ZNF713: variants seen among roughly 807,000 people sequenced by gnomAD.
ZNF713 encodes zinc finger protein 713.
In ZNF713, 21 loss-of-function variants were observed where a neutral mutation model predicts 28.7. That is an observed-to-expected ratio of 0.73 (90% CI 0.52 to 1.05). The LOEUF (loss-of-function observed/expected upper bound fraction) is 1.05. ZNF713 is among the 50% of genes least tolerant of loss of function. The probability of loss-of-function intolerance (pLI) is 0.00; values close to 1 mark genes in which losing one functional copy is unlikely to be tolerated. For missense variants in ZNF713, 458 were observed against 532.4 expected (o/e 0.86, Z 1.37); for synonymous variants, 167 against 178.0 (o/e 0.94, Z 0.49).
At chr7:55,909,114 G>A (rs931955407) in intron 2 of ZNF713, among the ~76,000 whole-genome samples, 6 of 148,252 alleles carry the variant, frequency 4.0e-5, no homozygotes, top group South Asian at 2.1e-4. Context: ...AGGAGAAATC[G>A]CTTGAACCAG....
chr7:55,923,593 A>C lies in ZNF713; in HGVS notation c.215-14A>C. On this transcript the variant is annotated splice_polypyrimidine_tract_variant and intron_variant, in intron 5 of 6. Coordinates refer to ENST00000429591, the MANE Select transcript of ZNF713 (RefSeq NM_182633.3). ...AGTACAAACTCCTAAGATGTATGTT[A>C]CTCCTGTGAATAGGGTATCAGCTTT... 2 of 1,576,574 alleles carry C rather than the reference A, an allele frequency of 1.3e-6. No individual in the cohort carries two copies. The highest frequency in any genetic ancestry group is 3.3e-4 in the Middle Eastern group (2 of 6,016).
rs554064421 is a variant in ZNF713 at position 55,902,125 on chromosome 7, A to C, written c.-582-4128A>C. ...AAAATCACTCAAACCTGGGAGGCAG[A>C]GGTTGCAGTGAGCTGAGGTTGCGCC... On this transcript the variant is annotated intron_variant, in intron 1 of 6. Transcript: ENST00000429591. Among the ~76,000 whole-genome samples the C allele has an allele frequency of 7.9e-5, 12 of 152,312 alleles. No homozygotes were observed. In the East Asian group the frequency reaches 2.3e-3, roughly 29 times the overall value.
chr7:55,941,641 T>G lies in ZNF713; in HGVS notation c.*1635T>G, dbSNP rs1786473530. ...ATAAAGGGATGCAAGATTTTTAGCC[T>G]TCTCCTAGGAAATACTATTTAGCAT... On this transcript the variant is annotated 3_prime_UTR_variant, in exon 7 of 7. Coordinates refer to ENST00000429591, the MANE Select transcript of ZNF713 (RefSeq NM_182633.3). 6.6e-6 allele frequency: 1 copy of G among 152,040 alleles called. No individual in the cohort carries two copies. Among genetic ancestry groups the G allele is most frequent in the Non-Finnish European group, 1.5e-5 (1 of 67,990 alleles). The allele number at this position is 152,040 out of a possible 1,614,324, so 9.4% of individuals were successfully genotyped here.
At chr7:55,919,495 T>TTTTGTTTTTTTTTTTTTTG (rs1449866890) in intron 4 of ZNF713, among the ~76,000 whole-genome samples, 1 of 27,514 alleles carries the variant, frequency 3.6e-5, no homozygotes, top group African/African-American at 2.1e-4. Context: ...CTCCAGTTTT[T>TTTTGTTTTTTTTTTTTTTG]TTTTTTTTTT....
At chr7:55,933,015 ATCAC>A (rs1786272393) in intron 6 of ZNF713, among the ~76,000 whole-genome samples, 1 of 151,804 alleles carries the variant, frequency 6.6e-6, no homozygotes, top group Admixed American at 6.6e-5. Flanking sequence ...AGGAGGGCGA[ATCAC>A]AAGGTCAGGA....
In ZNF713 at chr7:55,939,048, C is replaced by G; in HGVS notation, c.374C>G (p.Thr125Ser). 6.2e-7 allele frequency: 1 copy of G among 1,612,018 alleles called. No individual in the cohort carries two copies. Among genetic ancestry groups the G allele is most frequent in the South Asian group, 1.1e-5 (1 of 90,560 alleles). ...TSQNISDENQ[T>S]HEMIMERLAG... ...CAGAATATTTCTGATGAAAATCAAA[C>G]CCATGAGATGATAATGGAGAGACTC... Residue 125 changes from threonine to serine, a missense_variant, in exon 7 of 7, where the codon ACC becomes AGC. Physicochemically the swap from Thr to Ser is moderately conservative, Grantham distance 58. Coordinates refer to ENST00000429591, the MANE Select transcript of ZNF713 (RefSeq NM_182633.3).
intron 2 of ZNF713, among the ~76,000 whole-genome samples, chr7:55,908,818 T>G (rs1005626944): frequency 2.6e-5 from 4 of 151,930 alleles, no homozygotes; most frequent in African/African-American, 9.7e-5. Flanking sequence ...TCCAGAAGAG[T>G]TTTTCCTAGG....
intron 1 of ZNF713, among the ~76,000 whole-genome samples, chr7:55,893,034 C>T (rs1224799569): frequency 6.6e-6 from 1 of 151,710 alleles, no homozygotes; most frequent in Non-Finnish European, 1.5e-5. Flanking sequence ...AGGCGGCCGC[C>T]ACCACGCCCG....
At chr7:55,892,403 AG>A (rs1198633686) in intron 1 of ZNF713, among the ~76,000 whole-genome samples, 1 of 151,484 alleles carries the variant, frequency 6.6e-6, no homozygotes, top group East Asian at 1.9e-4. Context: ...GGACTGGTGT[AG>A]GGGTGATCCC....
intron 6 of ZNF713, among the ~76,000 whole-genome samples, chr7:55,927,475 A>T (rs1247167403): frequency 6.6e-6 from 1 of 151,980 alleles, no homozygotes; most frequent in Non-Finnish European, 1.5e-5. Context: ...GTGAGTTACG[A>T]TGGCACCACT....
intron 1 of ZNF713, among the ~76,000 whole-genome samples, chr7:55,888,243 A>C (rs1785314888): frequency 6.6e-6 from 1 of 151,978 alleles, no homozygotes; most frequent in Non-Finnish European, 1.5e-5. Flanking sequence ...TGAGTATGAT[A>C]TTTGTGGTAA....
At chr7:55,928,695 C>G (rs1012160038) in intron 6 of ZNF713, among the ~76,000 whole-genome samples, 3 of 152,092 alleles carry the variant, frequency 2.0e-5, no homozygotes, top group Non-Finnish European at 4.4e-5. Context: ...AATAAAACAC[C>G]TAGGAATAAA....
Position 55,923,636 on chromosome 7 carries a change from G to C in ZNF713, c.244G>C (p.Ala82Pro). The change falls in exon 6 of 7, where the codon GCG (alanine) becomes CCG (proline). Residue 82 changes from alanine to proline, a missense_variant. Transcript: ENST00000429591. The stretch of plus-strand genomic sequence containing the variant: ...TCAGCTTTGTAAGCCAGAGGTAATC[G>C]CGCAGTTGGAGCTAGAGGAAGAATG... ...GYQLCKPEVI[A>P]QLELEEEWVI... 1 of 1,610,074 alleles carries C rather than the reference G, an allele frequency of 6.2e-7. No individual in the cohort carries two copies. Among genetic ancestry groups the C allele is most frequent in the Non-Finnish European group, 8.5e-7 (1 of 1,178,068 alleles).
intron 1 of ZNF713, among the ~76,000 whole-genome samples, chr7:55,900,088 T>TA (rs1196575117): frequency 6.6e-6 from 1 of 152,176 alleles, no homozygotes. Context: ...GCCAAAGCGA[T>TA]ATCTGTACTC....
chr7:55,888,751 AT>A (rs74313075), intron 1 of ZNF713, among the ~76,000 whole-genome samples: 124,792 of 151,984 alleles, frequency 0.82, 51,768 homozygotes, highest in East Asian at 0.95. Context: ...ACATACATAG[AT>A]TTTTTTCATT....
intron 1 of ZNF713, among the ~76,000 whole-genome samples, chr7:55,893,234 A>C (rs1785421008): frequency 6.6e-6 from 1 of 152,142 alleles, no homozygotes; most frequent in Non-Finnish European, 1.5e-5. Flanking sequence ...TGAAGACCCA[A>C]AGATACAGGG....
chr7:55,924,277 A>G (rs1340541650), intron 6 of ZNF713: 1 of 152,262 alleles, frequency 6.6e-6, no homozygotes, highest in Admixed American at 6.5e-5. Context: ...GGAGATTACC[A>G]CTAATTTCCT....
chr7:55,887,762 GGGGGGC>G (rs1309170764), intron 1 of ZNF713, 82 bp downstream of exon 1: 78 of 2,958 alleles, frequency 0.026, 21 homozygotes, highest in Middle Eastern at 0.071. Context: ...GGGCGGAGGC[GGGGGGC>G]GGAGGCGGGG....
intron 1 of ZNF713, among the ~76,000 whole-genome samples, chr7:55,903,210 A>G (rs1265319441): frequency 6.6e-6 from 1 of 152,090 alleles, no homozygotes; most frequent in Non-Finnish European, 1.5e-5. Flanking sequence ...AATTTAGCAA[A>G]TATTTATTAA....
Sources: allele counts gnomAD v4.1 joint callset (sites outside exome capture counted in the v4.1 genomes callset), GRCh38; gene constraint gnomAD v4.1.1; transcripts MANE v1.5; gene names NCBI Gene and HGNC (gene_info 2026-07-23, HGNC 2026-07-21).